TBCK: variants seen among roughly 807,000 people sequenced by gnomAD.
TBCK encodes the protein TBC domain-containing protein kinase-like protein.
A neutral mutation model predicts 113.4 loss-of-function variants in TBCK; 99 were observed. That is an observed-to-expected ratio of 0.87 (90% CI 0.74 to 1.03). The LOEUF (loss-of-function observed/expected upper bound fraction) is 1.03, where lower values mean the gene tolerates loss of function less well. Ranked by LOEUF, TBCK falls within the 50% of genes least tolerant of loss-of-function variation. The pLI, the probability that TBCK is intolerant of heterozygous loss-of-function variation, is 0.00. For synonymous variants in TBCK, 369 were observed against 370.8 expected (o/e 1.00, Z 0.05); for missense variants, 1,045 against 1,061.3 (o/e 0.98, Z 0.21).
chr4:106,273,943 G>A (rs532759555), intron 3 of TBCK, among the ~76,000 whole-genome samples: 129 of 152,252 alleles, frequency 8.5e-4, no homozygotes, highest in African/African-American at 2.8e-3. Context: ...TTGGTCTTTC[G>A]AAATAGCCCC....
intron 5 of TBCK, 72 bp from the exon 6 acceptor site, chr4:106,252,079 G>A (rs1288769894): frequency 7.7e-7 from 1 of 1,293,304 alleles, no homozygotes; most frequent in African/African-American, 1.5e-5. Flanking sequence ...TACAATCAAT[G>A]TGGTAAGATC....
chr4:106,188,762 T>C (rs936114698), intron 22 of TBCK, among the ~76,000 whole-genome samples: 1 of 152,214 alleles, frequency 6.6e-6, no homozygotes, highest in Non-Finnish European at 1.5e-5. Flanking sequence ...AAATATTTCT[T>C]TTAAACTTTA....
intron 25 of TBCK, among the ~76,000 whole-genome samples, chr4:106,090,762 A>G (rs375195877): frequency 1.8e-4 from 28 of 152,198 alleles, no homozygotes; most frequent in African/African-American, 5.3e-4. Context: ...ACTGTTGTCA[A>G]GTTCTTTGCC....
At chr4:106,056,892 A>T (rs1735488773) in intron 25 of TBCK, among the ~76,000 whole-genome samples, 1 of 151,796 alleles carries the variant, frequency 6.6e-6, no homozygotes, top group Non-Finnish European at 1.5e-5. Context: ...TAAGTCTAAC[A>T]TCCCTTTGCA....
intron 23 of TBCK, among the ~76,000 whole-genome samples, chr4:106,135,795 C>A (rs1417100878): frequency 7.1e-6 from 1 of 141,440 alleles, no homozygotes; most frequent in Non-Finnish European, 1.6e-5. Context: ...GTAAAAATGA[C>A]AATGGAGAGA....
intron 19 of TBCK, among the ~76,000 whole-genome samples, chr4:106,216,052 A>T (rs1756867326): frequency 6.6e-6 from 1 of 152,006 alleles, no homozygotes; most frequent in South Asian, 2.1e-4. Flanking sequence ...AGAACTCAGG[A>T]TTAAGAATCT....
chr4:106,123,299 G>A (rs926432584), intron 23 of TBCK, among the ~76,000 whole-genome samples: 2 of 152,110 alleles, frequency 1.3e-5, no homozygotes, highest in African/African-American at 4.8e-5. Context: ...AAAACATCTA[G>A]GAATCCAACT....
intron 11 of TBCK, 99 bp downstream of exon 11, chr4:106,244,527 T>TAAA: frequency 9.5e-7 from 1 of 1,052,336 alleles, no homozygotes; most frequent in African/African-American, 2.1e-5. Flanking sequence ...AACAACCAAT[T>TAAA]TAAAAAAAAA....
chr4:106,235,348 T>C lies in TBCK; in HGVS notation c.1370A>G (p.Asn457Ser). 6.2e-7 allele frequency: 1 copy of C among 1,605,194 alleles called. No homozygotes were observed. The highest frequency in any genetic ancestry group is 8.5e-7 in the Non-Finnish European group (1 of 1,175,294). ...RLLKAYPYKK[N>S]QIWKEARVDI... ...AACTCTTGCTTCTTTCCAGATTTGGTTTTTTTTATATGGATAAGCCTATGA... is the reference window on the plus strand; with the variant it reads ...AACTCTTGCTTCTTTCCAGATTTGGCTTTTTTTATATGGATAAGCCTATGA... The change falls in exon 15 of 26, where the codon AAC becomes AGC. Residue 457 changes from asparagine to serine, a missense_variant. Physicochemically the swap from Asn to Ser is conservative, Grantham distance 46. Transcript: ENST00000394708.
chr4:106,120,948 G>A (rs1202224821), intron 23 of TBCK, among the ~76,000 whole-genome samples: 2 of 152,132 alleles, frequency 1.3e-5, no homozygotes, highest in East Asian at 1.9e-4. Context: ...CACCAGCAAC[G>A]GAACAAAGCT....
intron 23 of TBCK, among the ~76,000 whole-genome samples, chr4:106,118,331 A>C (rs575901694): frequency 2.0e-4 from 31 of 152,322 alleles, no homozygotes; most frequent in South Asian, 8.3e-4. Context: ...TGAATTTTTC[A>C]GTGGTAAAGC....
intron 19 of TBCK, among the ~76,000 whole-genome samples, chr4:106,230,136 A>C (rs557871710): frequency 6.6e-6 from 1 of 152,086 alleles, no homozygotes; most frequent in Admixed American, 6.6e-5. Flanking sequence ...GCATGCCTGC[A>C]ATTGAACTGA....
chr4:106,156,118 G>A (rs1749093489), intron 23 of TBCK, among the ~76,000 whole-genome samples: 1 of 152,090 alleles, frequency 6.6e-6, no homozygotes, highest in Admixed American at 6.5e-5. Context: ...TAACACTATT[G>A]TTCTTGCAGA....
Position 106,230,414 on chromosome 4 carries a change from G to A in TBCK, c.1723C>T (p.Pro575Ser). The part of the protein sequence containing the change: ...LAYACMSAFI[P>S]KYLYNFFLKD... ...AAGAAGAAGTTATACAGGTATTTGG[G>A]AATAAAAGCAGACATACATGCATAA... The change falls in exon 19 of 26, where the codon CCC (proline) becomes TCC (serine). Residue 575 changes from proline to serine, a missense_variant. By Grantham distance (74) the Pro-to-Ser change is moderately conservative. Transcript: ENST00000394708. The A allele has an allele frequency of 1.2e-6, 2 of 1,602,658 alleles. No individual in the cohort carries two copies. The highest frequency in any genetic ancestry group is 1.3e-5 in the African/African-American group (1 of 74,706).
intron 3 of TBCK, among the ~76,000 whole-genome samples, chr4:106,281,581 T>C (rs955247754): frequency 6.6e-6 from 1 of 152,154 alleles, no homozygotes. Context: ...GCTTTTATTA[T>C]GTTGCTTATA....
chr4:106,098,702 GT>G (rs1389434169), intron 24 of TBCK, among the ~76,000 whole-genome samples: 5 of 152,030 alleles, frequency 3.3e-5, no homozygotes, highest in African/African-American at 1.2e-4. Context: ...TTTGGATATG[GT>G]TGTTTACTAT....
At position 106,045,061 on chromosome 4, in the gene TBCK, T is replaced by TC. The variant is rs1290125846; in HGVS notation, c.*1508_*1509insG. On this transcript the variant is annotated 3_prime_UTR_variant, in exon 26 of 26. Transcript: ENST00000394708. ...CTGAAATGGGAATGTATCTTTCTTT[T>TC]TTTTTTTTTTTTTGAGATGGCAGGG... The TC allele has an allele frequency of 6.7e-6, 1 of 148,952 alleles. No individual in the cohort carries two copies. Among genetic ancestry groups the TC allele is most frequent in the African/African-American group, 2.5e-5 (1 of 39,898 alleles). 9.2% of individuals were successfully genotyped at this position (148,952 alleles called of 1,614,324 possible).
rs115727840 is a variant in TBCK, at chr4:106,240,279, A to G, written c.1170+2191T>C. ...TATGAAATATAAAAAGCAAACTTTT[A>G]AAACCAGAAATTAGACAGGAGTGCC... On this transcript the variant is annotated intron_variant, in intron 12 of 25. Coordinates refer to ENST00000394708, the MANE Select transcript of TBCK (RefSeq NM_001163435.3). 9.0e-3 allele frequency among the ~76,000 whole-genome samples: 1,374 copies of G among 152,144 alleles called. 6 individuals are homozygous for G. Among genetic ancestry groups the G allele is most frequent in the Non-Finnish European group, 0.013 (892 of 67,928 alleles).
rs1323830239 is a variant in TBCK, at chr4:106,262,114, A to ATAT, written c.362_364dup (p.Asn121dup). The ATAT allele has an allele frequency of 1.3e-6, 2 of 1,533,762 alleles. No individual in the cohort carries two copies. The highest frequency in any genetic ancestry group is 2.8e-5 in the African/African-American group (2 of 72,392). On this transcript the variant is annotated inframe_insertion, in exon 4 of 26. Transcript: ENST00000394708. ...AACAATTACCTTTCGGTCCAACAGG[A>ATAT]TATTATGAGGAGACAATGCCCTGTG... is the stretch of plus-strand genomic sequence containing the variant.
Sources: allele counts gnomAD v4.1 joint callset (sites outside exome capture counted in the v4.1 genomes callset), GRCh38; gene constraint gnomAD v4.1.1; transcripts MANE v1.5; gene names NCBI Gene and HGNC (gene_info 2026-07-23, HGNC 2026-07-21).